OPA3: variants seen among roughly 807,000 people sequenced by gnomAD.
OPA3 encodes the protein optic atrophy 3 protein.
In OPA3, 6 loss-of-function variants were observed where a neutral mutation model predicts 4.0. The ratio of observed to expected loss-of-function variants is 1.51; its 90% CI spans 0.83 to 2.99. OPA3 has a LOEUF of 2.99. OPA3 is among the 30% of genes most tolerant of loss of function. The pLI is 0.00. For synonymous variants in OPA3, 105 were observed against 117.1 expected (o/e 0.90, Z 0.67); for missense variants, 235 against 256.2 (o/e 0.92, Z 0.56).
chr19:45,578,168 T>C (rs969188960), intron 1 of OPA3, among the ~76,000 whole-genome samples: 2 of 152,206 alleles, frequency 1.3e-5, no homozygotes. Context: ...TAACAGCCCT[T>C]TCCCAAAGCA....
At chr19:45,580,486 T>C (rs1401175810) in intron 1 of OPA3, among the ~76,000 whole-genome samples, 1 of 150,494 alleles carries the variant, frequency 6.6e-6, no homozygotes, top group Non-Finnish European at 1.5e-5. Flanking sequence ...AGAGACGGGG[T>C]TTCTCCATGT....
chr19:45,571,535 CATA>C (rs1969667024), intron 1 of OPA3, among the ~76,000 whole-genome samples: 1 of 152,140 alleles, frequency 6.6e-6, no homozygotes, highest in Non-Finnish European at 1.5e-5. Context: ...GATAGGAGAA[CATA>C]ATAATAAATG....
At chr19:45,574,396 C>CAAAA (rs779877314) in intron 1 of OPA3, among the ~76,000 whole-genome samples, 2 of 72,530 alleles carry the variant, frequency 2.8e-5, no homozygotes, top group South Asian at 5.0e-4. Flanking sequence ...GACTCTGTCT[C>CAAAA]AAAAAAAAAA....
At chr19:45,576,544 C>CA (rs1555735877) in intron 1 of OPA3, among the ~76,000 whole-genome samples, 3 of 130,688 alleles carry the variant, frequency 2.3e-5, no homozygotes, top group South Asian at 2.3e-4. Flanking sequence ...ATCCCCCCCC[C>CA]CCCAAAAAAA....
intron 1 of OPA3, among the ~76,000 whole-genome samples, chr19:45,560,771 C>A (rs1247538463): frequency 6.6e-6 from 1 of 152,124 alleles, no homozygotes; most frequent in Non-Finnish European, 1.5e-5. Flanking sequence ...CTCTCTCAGC[C>A]CCGGAGCTCC....
chr19:45,549,592 T>C lies in OPA3; in HGVS notation c.*3922A>G. On this transcript the variant is annotated 3_prime_UTR_variant, in exon 2 of 2. Coordinates refer to ENST00000263275, the MANE Select transcript of OPA3 (RefSeq NM_025136.4). ...ACCTCCTGGGTTCAAGCAATTCTCG[T>C]GCCTCAGCCTCCCGAGTAGCTGGGA... 1.3e-6 allele frequency: 1 copy of C among 799,158 alleles called. No homozygotes were observed. Among genetic ancestry groups the C allele is most frequent in the Non-Finnish European group, 1.5e-6 (1 of 660,196 alleles). 49.5% of individuals were successfully genotyped at this position (799,158 alleles called of 1,614,324 possible).
chr19:45,549,773 G>A lies in OPA3; in HGVS notation c.*3741C>T. On this transcript the variant is annotated 3_prime_UTR_variant, in exon 2 of 2. Transcript: ENST00000263275. ...GGGATGACAGGCGTGAGCTGGCCTGGGTCACTCCCAGTTTTAAACACAGCC... is the reference window on the plus strand; with the variant it reads ...GGGATGACAGGCGTGAGCTGGCCTGAGTCACTCCCAGTTTTAAACACAGCC... The A allele has an allele frequency of 1.0e-6, 1 of 985,264 alleles. No individual in the cohort carries two copies. The highest frequency in any genetic ancestry group is 1.2e-6 in the Non-Finnish European group (1 of 829,998). The allele number at this position is 985,264 out of a possible 1,614,324, so 61.0% of individuals were successfully genotyped here.
chr19:45,572,551 TC>T (rs1969693839), intron 1 of OPA3, among the ~76,000 whole-genome samples: 1 of 110,584 alleles, frequency 9.0e-6, no homozygotes, highest in Non-Finnish European at 2.0e-5. Flanking sequence ...GATATATATA[TC>T]ATATATGGAT....
exon 2 of OPA3, chr19:45,529,147 T>A (rs1352262738): frequency 6.2e-7 from 1 of 1,609,376 alleles, no homozygotes; most frequent in Non-Finnish European, 8.5e-7. Context: ...AGCGCGCAGC[T>A]CCTCCAGGGC....
chr19:45,550,073 G>A lies in OPA3; in HGVS notation c.*3441C>T. The A allele has an allele frequency of 2.0e-6, 1 of 509,364 alleles. No homozygotes were observed. Among genetic ancestry groups the A allele is most frequent in the African/African-American group, 2.1e-5 (1 of 48,064 alleles). 31.6% of individuals were successfully genotyped at this position (509,364 alleles called of 1,614,324 possible). On this transcript the variant is annotated 3_prime_UTR_variant, in exon 2 of 2. Transcript: ENST00000263275. ...CTTCGGAAGCTGAGGCAGGATCATT[G>A]GTTGAGCCTGGGAGGTAGAAGTTGC... is the stretch of plus-strand genomic sequence containing the variant.
Position 45,553,199 on chromosome 19 carries a change from A to T in OPA3, c.*315T>A. On this transcript the variant is annotated 3_prime_UTR_variant, in exon 2 of 2. Coordinates refer to ENST00000263275, the MANE Select transcript of OPA3 (RefSeq NM_025136.4). ...GGGGGTAACAATAACACATTGATTC[A>T]GCTCAAGACCAGGTTCCATTTTTTC... 1 of 1,342,428 alleles carries T rather than the reference A, an allele frequency of 7.4e-7. No individual in the cohort carries two copies. Among genetic ancestry groups the T allele is most frequent in the Non-Finnish European group, 9.6e-7 (1 of 1,041,908 alleles). 83.2% of individuals were successfully genotyped at this position (1,342,428 alleles called of 1,614,324 possible). A position where few individuals can be genotyped will look rare whatever the true frequency, so the allele number is the denominator to read the frequency against.
rs1969253033 is a variant in OPA3 at position 45,546,619 on chromosome 19, C to G, written c.*6895G>C. 6.3e-6 allele frequency: 1 copy of G among 157,876 alleles called. No homozygotes were observed. The highest frequency in any genetic ancestry group is 2.0e-4 in the South Asian group (1 of 4,900). The allele number at this position is 157,876 out of a possible 1,614,324, so 9.8% of individuals were successfully genotyped here. ...CAAGCGATCCTCCTGCCTCAGCCCC[C>G]CAAGTAGCTGGGACTACAGGTGTGT... On this transcript the variant is annotated 3_prime_UTR_variant, in exon 2 of 2. Coordinates refer to ENST00000263275, the MANE Select transcript of OPA3 (RefSeq NM_025136.4).
rs1969883424 is a variant in OPA3 at position 45,583,305 on chromosome 19, C to T, written c.142+1318G>A. Among the ~76,000 whole-genome samples the T allele has an allele frequency of 2.6e-5, 4 of 152,092 alleles. No homozygotes were observed. In the South Asian group the frequency reaches 8.3e-4, roughly 32 times the overall value. On this transcript the variant is annotated intron_variant, in intron 1 of 1. Coordinates refer to ENST00000263275, the MANE Select transcript of OPA3 (RefSeq NM_025136.4). ...AGCTGGGACCACAGGCGCCCAGCCA[C>T]CACGCCCGGCTAATTTTTTTGTATT...
chr19:45,567,169 T>G (rs1012645047), intron 1 of OPA3, among the ~76,000 whole-genome samples: 1 of 151,586 alleles, frequency 6.6e-6, no homozygotes, highest in Non-Finnish European at 1.5e-5. Flanking sequence ...GTGAGATCCA[T>G]CTCTACAAAA....
chr19:45,574,190 G>A (rs1158757277), intron 1 of OPA3, among the ~76,000 whole-genome samples: 6 of 151,682 alleles, frequency 4.0e-5, no homozygotes, highest in Non-Finnish European at 8.8e-5. Context: ...TCAGGAGATC[G>A]AGACCATCCT....
downstream of OPA3, among the ~76,000 whole-genome samples, chr19:45,543,401 G>T (rs188532022): frequency 5.3e-5 from 8 of 151,550 alleles, no homozygotes; most frequent in African/African-American, 1.9e-4. Flanking sequence ...GCTCACTGTA[G>T]CCTCCAACTC....
chr19:45,553,939 C>A, intron 1 of OPA3, 28 bp from the exon 2 acceptor site: 1 of 1,575,782 alleles, frequency 6.3e-7, no homozygotes, highest in Non-Finnish European at 8.7e-7. Context: ...GGTCAGGCTG[C>A]GCTCTGGGAG....
intron 1 of OPA3, among the ~76,000 whole-genome samples, chr19:45,582,018 C>G (rs1279423913): frequency 6.6e-6 from 1 of 152,008 alleles, no homozygotes. Context: ...AGGCTGGTCT[C>G]GAACTCCTGA....
rs1825108376 is a variant in OPA3, at chr19:45,548,612, G to C, written c.*4902C>G. ...GTCACCACTGTGACCCCAGCATAGGGTGGGGCAGAGAGTGGGTAACTCAGT... is the reference window on the plus strand; with the variant it reads ...GTCACCACTGTGACCCCAGCATAGGCTGGGGCAGAGAGTGGGTAACTCAGT... On this transcript the variant is annotated 3_prime_UTR_variant, in exon 2 of 2. Transcript: ENST00000263275. The C allele has an allele frequency of 1.0e-6, 1 of 985,234 alleles. No individual in the cohort carries two copies. The highest frequency in any genetic ancestry group is 4.7e-5 in the South Asian group (1 of 21,288). The allele number at this position is 985,234 out of a possible 1,614,324, so 61.0% of individuals were successfully genotyped here. A position where few individuals can be genotyped will look rare whatever the true frequency, so the allele number is the denominator to read the frequency against.
Sources: gnomAD v4.1 joint callset for allele counts (sites outside exome capture counted in the v4.1 genomes callset) on GRCh38, gnomAD v4.1.1 for gene constraint, MANE v1.5 for transcripts, NCBI Gene and HGNC (gene_info 2026-07-23, HGNC 2026-07-21) for gene names.